Variants in SNAPC1 observed in about 807,000 individuals in gnomAD.
SNAPC1 encodes the protein small nuclear RNA activating complex polypeptide 1.
SNAPC1 carries 42 observed loss-of-function variants against 50.1 expected under a neutral mutation model. That is an observed-to-expected ratio of 0.84 (90% confidence interval 0.65 to 1.08). The LOEUF (loss-of-function observed/expected upper bound fraction) is 1.08, where lower values mean the gene tolerates loss of function less well. SNAPC1 is among the 50% of genes least tolerant of loss of function. The pLI is 0.00. For synonymous variants in SNAPC1, 164 were observed against 144.2 expected (o/e 1.14, Z -0.98); for missense variants, 477 against 427.3 (o/e 1.12, Z -1.02).
At chr14:61,774,364 A>T (rs1261326306) in intron 4 of SNAPC1, among the ~76,000 whole-genome samples, 2 of 152,058 alleles carry the variant, frequency 1.3e-5, no homozygotes, top group Non-Finnish European at 2.9e-5. Flanking sequence ...AGCTTGTTTA[A>T]TACTTAACAA....
chr14:61,774,823 C>T (rs148258679), intron 4 of SNAPC1, among the ~76,000 whole-genome samples: 273 of 152,004 alleles, frequency 1.8e-3, no homozygotes, highest in African/African-American at 6.2e-3. Context: ...GCCACCACAC[C>T]CGGCTAACTT....
At chr14:61,778,452 C>G (rs1173807189) in intron 6 of SNAPC1, among the ~76,000 whole-genome samples, 1 of 152,148 alleles carries the variant, frequency 6.6e-6, no homozygotes, top group African/African-American at 2.4e-5. Context: ...GTGTAGAGCC[C>G]AAGCTATTAT....
chr14:61,774,816 A>G (rs2045022907), intron 4 of SNAPC1, among the ~76,000 whole-genome samples: 1 of 151,802 alleles, frequency 6.6e-6, no homozygotes, highest in Admixed American at 6.6e-5. Context: ...AGCATGTGCC[A>G]CCACACCCGG....
In SNAPC1 at chr14:61,762,427, T is replaced by A. The variant is rs542667114; in HGVS notation, c.-34T>A. On this transcript the variant is annotated 5_prime_UTR_variant, in exon 1 of 10. Coordinates refer to ENST00000216294, the MANE Select transcript of SNAPC1 (RefSeq NM_003082.4). ...ACCGCTGGCTAGTCCGTTAGAGGCG[T>A]GCGGGCTTCGGAGGCGTGCGGGCTT... The A allele has an allele frequency of 6.2e-7, 1 of 1,605,034 alleles. No individual in the cohort carries two copies. The highest frequency in any genetic ancestry group is 2.2e-5 in the East Asian group (1 of 44,764).
rs2140171954 is a variant in SNAPC1 at position 61,762,769 on chromosome 14, A to C, written c.128+181A>C. ...CAACGCGCTTTCCCTGCTCTATTTC[A>C]TTGTGCCCTGATGGTTGTTGCGGCC... On this transcript the variant is annotated intron_variant, in intron 1 of 9. Coordinates refer to ENST00000216294, the MANE Select transcript of SNAPC1 (RefSeq NM_003082.4). 2.0e-5 allele frequency among the ~76,000 whole-genome samples: 3 copies of C among 151,658 alleles called. No individual in the cohort carries two copies. The East Asian group carries it at 5.8e-4, about 30-fold the overall frequency.
chr14:61,785,269 GC>G (rs1328271517), intron 8 of SNAPC1, among the ~76,000 whole-genome samples: 1 of 152,176 alleles, frequency 6.6e-6, no homozygotes, highest in Admixed American at 6.5e-5. Context: ...GGGCTTGGTG[GC>G]ACATGCATGT....
At chr14:61,765,635 CG>C (rs2044941493) in intron 1 of SNAPC1, among the ~76,000 whole-genome samples, 3 of 152,022 alleles carry the variant, frequency 2.0e-5, no homozygotes, top group African/African-American at 7.3e-5. Context: ...CTCAGTGAGC[CG>C]AGAAGTCACT....
At chr14:61,776,334 C>G (rs999990485) in intron 5 of SNAPC1, 81 bp downstream of exon 5, 1 of 1,307,284 alleles carries the variant, frequency 7.6e-7, no homozygotes, top group African/African-American at 1.5e-5. Context: ...GGGAGGCAGC[C>G]TAGTTTTAGA....
At chr14:61,784,094 T>C (rs2045097693) in intron 8 of SNAPC1, among the ~76,000 whole-genome samples, 1 of 148,730 alleles carries the variant, frequency 6.7e-6, no homozygotes, top group Non-Finnish European at 1.5e-5. Flanking sequence ...ATGTCCCAGA[T>C]ATGATTAAGT....
chr14:61,763,152 C>T (rs1348270980), intron 1 of SNAPC1, among the ~76,000 whole-genome samples: 2 of 151,604 alleles, frequency 1.3e-5, no homozygotes, highest in African/African-American at 2.4e-5. Flanking sequence ...GCACCACGCC[C>T]GGTTAATTTT....
In SNAPC1 at chr14:61,795,074, T is replaced by TA. The variant is rs1309094472; in HGVS notation, c.*98dup. ...TATTGAACAGGAAGACTGCCAGTATTAAAAAAATCCTTCTGGGAATCTGTA... is the reference window on the plus strand; with the variant it reads ...TATTGAACAGGAAGACTGCCAGTATTAAAAAAAATCCTTCTGGGAATCTGTA... On this transcript the variant is annotated 3_prime_UTR_variant, in exon 10 of 10. Coordinates refer to ENST00000216294, the MANE Select transcript of SNAPC1 (RefSeq NM_003082.4). 5.1e-6 allele frequency: 4 copies of TA among 790,856 alleles called. No homozygotes were observed. Among genetic ancestry groups the TA allele is most frequent in the Non-Finnish European group, 8.0e-6 (4 of 497,658 alleles). 49.0% of individuals were successfully genotyped at this position (790,856 alleles called of 1,614,324 possible). A position where few individuals can be genotyped will look rare whatever the true frequency, so the allele number is the denominator to read the frequency against.
intron 3 of SNAPC1, among the ~76,000 whole-genome samples, 198 bp downstream of exon 3, chr14:61,767,550 G>A (rs1319827623): frequency 6.6e-6 from 1 of 151,396 alleles, no homozygotes; most frequent in Non-Finnish European, 1.5e-5. Context: ...TGCAACCTCC[G>A]CCTCCCGGGT....
intron 7 of SNAPC1, among the ~76,000 whole-genome samples, chr14:61,780,194 A>G (rs1241449626): frequency 1.3e-5 from 2 of 152,100 alleles, no homozygotes; most frequent in South Asian, 2.1e-4. Flanking sequence ...CCAGCTGCCA[A>G]TGTTTTGGGA....
chr14:61,765,004 A>G (rs750705373), intron 1 of SNAPC1, among the ~76,000 whole-genome samples: 2 of 152,200 alleles, frequency 1.3e-5, no homozygotes, highest in Non-Finnish European at 2.9e-5. Context: ...TTATATTTGT[A>G]TAGCGTATTA....
At chr14:61,763,674 A>T (rs1001043531) in intron 1 of SNAPC1, among the ~76,000 whole-genome samples, 13 of 151,876 alleles carry the variant, frequency 8.6e-5, no homozygotes, top group Admixed American at 2.0e-4. Flanking sequence ...CCCGCATAGC[A>T]CCCTGTTTTT....
chr14:61,792,261 A>G (rs1480430312), intron 8 of SNAPC1, among the ~76,000 whole-genome samples: 1 of 152,228 alleles, frequency 6.6e-6, no homozygotes, highest in Non-Finnish European at 1.5e-5. Context: ...GGTATCTGAT[A>G]AATTTGGTTG....
In SNAPC1 at chr14:61,792,155, G is replaced by A. The variant is rs114168662; in HGVS notation, c.977-652G>A. Among the ~76,000 whole-genome samples, 320 of 151,302 alleles carry A rather than the reference G, an allele frequency of 2.1e-3. 1 individual carries two copies. Among genetic ancestry groups the A allele is most frequent in the African/African-American group, 7.5e-3 (308 of 41,294 alleles). ...TAACATATCAAATGATAAAAGTGTT[G>A]GGGCAAAGAAAAACAGCATAAAAAA... On this transcript the variant is annotated intron_variant, in intron 8 of 9. Transcript: ENST00000216294.
At chr14:61,784,518 C>G (rs1468956899) in intron 8 of SNAPC1, among the ~76,000 whole-genome samples, 1 of 151,862 alleles carries the variant, frequency 6.6e-6, no homozygotes, top group East Asian at 1.9e-4. Context: ...TGTAAAGGGC[C>G]AGGTAGTAAA....
intron 8 of SNAPC1, among the ~76,000 whole-genome samples, chr14:61,788,565 A>T (rs967851723): frequency 1.3e-5 from 2 of 152,232 alleles, no homozygotes; most frequent in Admixed American, 6.5e-5. Context: ...ATGCAGGCAG[A>T]CAGTCAGTGC....
Sources: allele counts gnomAD v4.1 joint callset (sites outside exome capture counted in the v4.1 genomes callset), GRCh38; gene constraint gnomAD v4.1.1; transcripts MANE v1.5; gene names NCBI Gene and HGNC (gene_info 2026-07-23, HGNC 2026-07-21).